The following PALM2AKAP2 variants were observed in gnomAD, a reference collection of about 807,000 sequenced individuals.
PALM2AKAP2 encodes PALM2 and AKAP2 fusion, also known as PALM2-AKAP2 fusion protein.
A neutral mutation model predicts 71.5 loss-of-function variants in PALM2AKAP2; 37 were observed. The ratio of observed to expected loss-of-function variants is 0.52; its 90% CI spans 0.40 to 0.68. PALM2AKAP2 has a LOEUF of 0.68. PALM2AKAP2 is among the 30% of genes least tolerant of loss of function. The probability of loss-of-function intolerance (pLI) is 0.00; values close to 1 mark genes in which losing one functional copy is unlikely to be tolerated. For missense variants in PALM2AKAP2, 1,224 were observed against 1,191.8 expected, an observed-to-expected ratio of 1.03 and a Z score of -0.40; for synonymous variants, 468 against 478.8, an observed-to-expected ratio of 0.98 and a Z score of 0.29.
intron 1 of PALM2AKAP2, among the ~76,000 whole-genome samples, chr9:109,655,793 T>C (rs762877431): frequency 6.6e-6 from 1 of 152,254 alleles, no homozygotes; most frequent in Admixed American, 6.5e-5. Flanking sequence ...CTGAATAATA[T>C]TCCATTGTAT....
chr9:109,739,244 C>A (rs772108630), intron 1 of PALM2AKAP2, among the ~76,000 whole-genome samples: 1 of 152,138 alleles, frequency 6.6e-6, no homozygotes. Flanking sequence ...AACATCTAAG[C>A]ATTGAAATTT....
intron 1 of PALM2AKAP2, among the ~76,000 whole-genome samples, chr9:110,086,335 A>T (rs1286230929): frequency 1.3e-5 from 2 of 152,186 alleles, no homozygotes; most frequent in Non-Finnish European, 2.9e-5. Context: ...AAAAGGTCTG[A>T]GAGATGTGCT....
chr9:109,987,317 G>T (rs769552952), intron 6 of PALM2AKAP2, among the ~76,000 whole-genome samples: 1 of 152,082 alleles, frequency 6.6e-6, no homozygotes, highest in Non-Finnish European at 1.5e-5. Context: ...TTTTAGTAGA[G>T]AGGGGGTTTC....
chr9:110,138,764 G>A (rs993481966), intron 2 of PALM2AKAP2, among the ~76,000 whole-genome samples: 5 of 152,204 alleles, frequency 3.3e-5, no homozygotes, highest in African/African-American at 1.2e-4. Context: ...TCCAGAGGAT[G>A]CAATAGCTCC....
intron 1 of PALM2AKAP2, among the ~76,000 whole-genome samples, chr9:109,791,648 G>T (rs962625606): frequency 1.3e-5 from 2 of 152,166 alleles, no homozygotes; most frequent in Non-Finnish European, 2.9e-5. Flanking sequence ...AATGCCTTAT[G>T]TTAGGGGGGT....
At chr9:109,700,684 T>TA (rs1296851679) in intron 1 of PALM2AKAP2, among the ~76,000 whole-genome samples, 23 of 152,240 alleles carry the variant, frequency 1.5e-4, no homozygotes, top group Admixed American at 1.5e-3. Context: ...TCTAAAAACT[T>TA]ACTCTAAAAA....
chr9:109,948,130 G>A (rs1473423911), intron 6 of PALM2AKAP2, among the ~76,000 whole-genome samples: 1 of 152,072 alleles, frequency 6.6e-6, no homozygotes, highest in Non-Finnish European at 1.5e-5. Context: ...CATTTTCTAG[G>A]GAAAAAGAAA....
intron 3 of PALM2AKAP2, among the ~76,000 whole-genome samples, chr9:110,167,142 T>C (rs1301563455): frequency 6.6e-6 from 1 of 152,198 alleles, no homozygotes; most frequent in African/African-American, 2.4e-5. Context: ...CGCTCCCACA[T>C]TGAATTACCT....
intron 1 of PALM2AKAP2, among the ~76,000 whole-genome samples, chr9:109,657,403 G>T (rs1299031438): frequency 3.3e-5 from 5 of 151,660 alleles, no homozygotes; most frequent in Non-Finnish European, 1.5e-5. Context: ...TCAGCCAGTT[G>T]TTTAGTGTGG....
At chr9:110,031,878 T>A (rs1395788518) in intron 7 of PALM2AKAP2, among the ~76,000 whole-genome samples, 1 of 152,192 alleles carries the variant, frequency 6.6e-6, no homozygotes, top group East Asian at 1.9e-4. Flanking sequence ...AGCTGGAGTT[T>A]ACCTAGTGGG....
In PALM2AKAP2 at chr9:110,059,771, C is replaced by G. The variant is rs567443702; in HGVS notation, c.156+10916C>G. 2.6e-5 allele frequency among the ~76,000 whole-genome samples: 4 copies of G among 152,204 alleles called. No homozygotes were observed. In the South Asian group the frequency reaches 8.3e-4, roughly 32 times the overall value. On this transcript the variant is annotated intron_variant, in intron 1 of 3. Transcript: ENST00000374525. The stretch of plus-strand genomic sequence containing the variant: ...GTGTTTTTCCACCTTACCATCTGAT[C>G]TGCTCCAGAGGGCTCTGCATTAGAA...
chr9:109,780,289 G>T, upstream of PALM2AKAP2: 6 of 1,230,636 alleles, frequency 4.9e-6, no homozygotes, highest in Non-Finnish European at 4.1e-6. Flanking sequence ...CGGCCGGGAG[G>T]GCGGGGGCCA....
At position 109,956,947 on chromosome 9, in the gene PALM2AKAP2, G is replaced by T. The variant is rs368488616; in HGVS notation, c.496+24919G>T. ...CAATTCCTCGTTTCAAAGAGACTAG[G>T]GTTAGAAATAGAAAGTGACTTGCTC... is the stretch of plus-strand genomic sequence containing the variant. On this transcript the variant is annotated intron_variant, in intron 6 of 9. Transcript: ENST00000302798. Among the ~76,000 whole-genome samples the T allele has an allele frequency of 7.9e-5, 12 of 152,242 alleles. No individual in the cohort carries two copies. The South Asian group carries it at 1.9e-3, about 24-fold the overall frequency.
chr9:110,115,822 G>C (rs1039880560), intron 1 of PALM2AKAP2, among the ~76,000 whole-genome samples: 1 of 152,156 alleles, frequency 6.6e-6, no homozygotes, highest in Non-Finnish European at 1.5e-5. Flanking sequence ...CAATCAATAG[G>C]TAGCTGATTC....
At chr9:110,083,235 C>T (rs1330055032) in intron 1 of PALM2AKAP2, among the ~76,000 whole-genome samples, 2 of 152,140 alleles carry the variant, frequency 1.3e-5, no homozygotes, top group African/African-American at 4.8e-5. Context: ...TCTGTCTCTA[C>T]GGTTTGGCTA....
intron 1 of PALM2AKAP2, among the ~76,000 whole-genome samples, chr9:109,782,823 G>C (rs951786233): frequency 6.6e-6 from 1 of 151,374 alleles, no homozygotes. Flanking sequence ...GAGGGAGTTG[G>C]GTGGGGGGAC....
intron 2 of PALM2AKAP2, among the ~76,000 whole-genome samples, chr9:110,147,628 C>T (rs1836210178): frequency 6.6e-6 from 1 of 152,136 alleles, no homozygotes; most frequent in South Asian, 2.1e-4. Flanking sequence ...GAAAAAATAG[C>T]TGAATTTAGT....
chr9:110,137,829 A>G (rs201718505), exon 2 of PALM2AKAP2: 12 of 1,613,848 alleles, frequency 7.4e-6, no homozygotes, highest in Non-Finnish European at 9.3e-6. Context: ...CAAACTGACA[A>G]CCCCTCAGAG....
At chr9:109,673,428 G>C (rs181315392) in intron 1 of PALM2AKAP2, among the ~76,000 whole-genome samples, 1 of 151,840 alleles carries the variant, frequency 6.6e-6, no homozygotes, top group Non-Finnish European at 1.5e-5. Context: ...TAAATTTCTT[G>C]GTTTTGATTT....
Sources: gnomAD v4.1 joint callset for allele counts (sites outside exome capture counted in the v4.1 genomes callset) on GRCh38, gnomAD v4.1.1 for gene constraint, MANE v1.5 for transcripts, NCBI Gene and HGNC (gene_info 2026-07-23, HGNC 2026-07-21) for gene names.